The following CDK6 variants were observed in gnomAD, a reference collection of about 807,000 sequenced individuals.
CDK6 encodes the protein cyclin dependent kinase 6.
In CDK6, 6 loss-of-function variants were observed where a neutral mutation model predicts 37.1. That is an observed-to-expected ratio of 0.16 (90% CI 0.09 to 0.32). The LOEUF is 0.32. Among genes scored for constraint, CDK6 ranks in the 10% least tolerant of loss-of-function variants. The pLI, the probability that CDK6 is intolerant of heterozygous loss-of-function variation, is 1.00. For missense variants in CDK6, 224 were observed against 418.9 expected (o/e 0.53, Z 4.06); for synonymous variants, 160 against 161.3 (o/e 0.99, Z 0.06).
chr7:92,813,876 C>T (rs1239134818), intron 2 of CDK6, among the ~76,000 whole-genome samples: 2 of 152,110 alleles, frequency 1.3e-5, no homozygotes, highest in East Asian at 3.9e-4. Flanking sequence ...CTGGCTGAGA[C>T]TTCATAGGAA....
At chr7:92,729,970 C>T (rs1305210855) in intron 3 of CDK6, among the ~76,000 whole-genome samples, 1 of 152,192 alleles carries the variant, frequency 6.6e-6, no homozygotes, top group Non-Finnish European at 1.5e-5. Context: ...GAATTCCTGG[C>T]CTCGAGCCAT....
At chr7:92,830,551 A>G (rs1801448760) in intron 2 of CDK6, among the ~76,000 whole-genome samples, 1 of 151,942 alleles carries the variant, frequency 6.6e-6, no homozygotes, top group African/African-American at 2.4e-5. Flanking sequence ...AACTTTGACA[A>G]CTCTCCCTTG....
Position 92,611,982 on chromosome 7 carries a change from A to C in CDK6, c.*3158T>G, listed in dbSNP as rs1795572235. On this transcript the variant is annotated 3_prime_UTR_variant, in exon 8 of 8. Transcript: ENST00000424848. The stretch of plus-strand genomic sequence containing the variant: ...CCCATCCACTTCAAAGGAGGGACAA[A>C]GTGGGAGGCTCCAACCCACTGGGTT... The C allele has an allele frequency of 4.3e-6, 1 of 232,842 alleles. No individual in the cohort carries two copies. The highest frequency in any genetic ancestry group is 1.8e-4 in the South Asian group (1 of 5,526). 14.4% of individuals were successfully genotyped at this position (232,842 alleles called of 1,614,324 possible).
At chr7:92,678,721 T>G (rs1797263738) in intron 4 of CDK6, among the ~76,000 whole-genome samples, 1 of 152,242 alleles carries the variant, frequency 6.6e-6, no homozygotes, top group Non-Finnish European at 1.5e-5. Context: ...GTATGAACAC[T>G]GTGCTGGATG....
chr7:92,611,239 A>G lies in CDK6; in HGVS notation c.*3901T>C, dbSNP rs544145753. The G allele has an allele frequency of 1.8e-5, 4 of 225,820 alleles. No homozygotes were observed. The East Asian group carries it at 1.9e-4, about 11-fold the overall frequency. 14.0% of individuals were successfully genotyped at this position (225,820 alleles called of 1,614,324 possible). ...TGTGAAACATGCATTCTTTTGAATT[A>G]TATAAATATCTAAGAGTTTATAATA... On this transcript the variant is annotated 3_prime_UTR_variant, in exon 8 of 8. Transcript: ENST00000424848.
At chr7:92,811,230 A>T (rs1445885641) in intron 2 of CDK6, among the ~76,000 whole-genome samples, 1 of 152,162 alleles carries the variant, frequency 6.6e-6, no homozygotes, top group African/African-American at 2.4e-5. Context: ...TCAGCTATAT[A>T]AATAAGCATT....
rs964448983 is a variant in CDK6 at position 92,828,699 on chromosome 7, C to T, written c.233+4392G>A. ...GATATTCAAGTTTATACAAGTTTTC[C>T]TCTTATAGACCTTTTTTGTCCTTGA... On this transcript the variant is annotated intron_variant, in intron 2 of 7. Transcript: ENST00000424848. Among the ~76,000 whole-genome samples the T allele has an allele frequency of 8.5e-5, 13 of 152,088 alleles. 1 individual carries two copies. Among genetic ancestry groups the T allele is most frequent in the Admixed American group, 2.0e-4 (3 of 15,270 alleles).
At chr7:92,732,716 T>C (rs1463814533) in intron 3 of CDK6, among the ~76,000 whole-genome samples, 1 of 152,220 alleles carries the variant, frequency 6.6e-6, no homozygotes, top group Non-Finnish European at 1.5e-5. Flanking sequence ...CACCCAGTCC[T>C]GTATGGGCAA....
intron 6 of CDK6, among the ~76,000 whole-genome samples, chr7:92,622,131 C>T (rs1297881081): frequency 6.6e-6 from 1 of 151,524 alleles, no homozygotes; most frequent in African/African-American, 2.4e-5. Flanking sequence ...TTTTCCTACT[C>T]CACTCCAATT....
chr7:92,651,067 T>A (rs928753055), intron 5 of CDK6, among the ~76,000 whole-genome samples: 3 of 152,050 alleles, frequency 2.0e-5, no homozygotes, highest in Non-Finnish European at 4.4e-5. Flanking sequence ...TTTTTGTATT[T>A]TTAGTAGAGA....
chr7:92,779,195 A>C (rs1464447368), intron 2 of CDK6, among the ~76,000 whole-genome samples: 1 of 152,144 alleles, frequency 6.6e-6, no homozygotes, highest in Non-Finnish European at 1.5e-5. Flanking sequence ...TCAGAGTTAT[A>C]CTGCTCTCTT....
intron 3 of CDK6, among the ~76,000 whole-genome samples, chr7:92,761,420 TAAATCAGGCC>T (rs1799454727): frequency 6.6e-6 from 1 of 152,180 alleles, no homozygotes; most frequent in Non-Finnish European, 1.5e-5. Flanking sequence ...TAAATGTTAC[TAAATCAGGCC>T]TGTTTCTAGC....
intron 3 of CDK6, among the ~76,000 whole-genome samples, chr7:92,758,502 T>C (rs183886961): frequency 6.6e-6 from 1 of 152,332 alleles, no homozygotes; most frequent in African/African-American, 2.4e-5. Context: ...GTGTCTGTTT[T>C]TGTACCAGTA....
At chr7:92,686,499 T>G (rs1797457437) in intron 4 of CDK6, among the ~76,000 whole-genome samples, 1 of 152,110 alleles carries the variant, frequency 6.6e-6, no homozygotes, top group Non-Finnish European at 1.5e-5. Context: ...TAATGAAATA[T>G]ATATATACCA....
At chr7:92,645,591 C>T (rs1796429333) in intron 5 of CDK6, among the ~76,000 whole-genome samples, 1 of 152,228 alleles carries the variant, frequency 6.6e-6, no homozygotes, top group African/African-American at 2.4e-5. Flanking sequence ...CCGTCACAAA[C>T]AGGATTTCCT....
intron 3 of CDK6, among the ~76,000 whole-genome samples, chr7:92,768,304 C>T (rs1195574760): frequency 2.0e-5 from 3 of 152,178 alleles, no homozygotes; most frequent in Non-Finnish European, 2.9e-5. Flanking sequence ...ATCTACTATA[C>T]TGTGAGGAGT....
At chr7:92,794,885 G>A (rs998226310) in intron 2 of CDK6, among the ~76,000 whole-genome samples, 2 of 142,304 alleles carry the variant, frequency 1.4e-5, no homozygotes. Flanking sequence ...AAAAAGAGGT[G>A]TGATAATAAA....
rs1218904308 is a variant in CDK6, at chr7:92,834,411, G to A, written c.-367-721C>T. 2.0e-5 allele frequency among the ~76,000 whole-genome samples: 3 copies of A among 151,844 alleles called. No homozygotes were observed. The highest frequency in any genetic ancestry group is 6.6e-5 in the Admixed American group (1 of 15,256). ...AACGGAATTCTCTCTCCGGCTGGGA[G>A]GACCTCCCTGGTGGAAACCTTGGGA... On this transcript the variant is annotated intron_variant, in intron 1 of 7. Coordinates refer to ENST00000424848, the MANE Select transcript of CDK6 (RefSeq NM_001145306.2). This position sits in a 1 kb window ranked among gnomAD's most constrained non-coding sequence, Gnocchi z 4.6.
chr7:92,707,222 A>G (rs762256118), intron 4 of CDK6, among the ~76,000 whole-genome samples: 2 of 152,190 alleles, frequency 1.3e-5, no homozygotes, highest in Non-Finnish European at 2.9e-5. Context: ...TAATTCCCAC[A>G]ACAATCCTAT....
Sources: allele counts gnomAD v4.1 joint callset (sites outside exome capture counted in the v4.1 genomes callset), GRCh38; gene constraint gnomAD v4.1.1; non-coding constraint Gnocchi (gnomAD v3.1); transcripts MANE v1.5; gene names NCBI Gene and HGNC (gene_info 2026-07-23, HGNC 2026-07-21).